The following ITPRIPL1 variants were observed in gnomAD, a reference collection of about 807,000 sequenced individuals.
ITPRIPL1 encodes inositol 1,4,5-trisphosphate receptor-interacting protein-like 1.
Under a neutral mutation model 40.0 loss-of-function variants are expected in ITPRIPL1, and 28 were observed. That is an observed-to-expected ratio of 0.70 (90% CI 0.52 to 0.96). ITPRIPL1 has a LOEUF of 0.96. ITPRIPL1 is among the 40% of genes least tolerant of loss of function. The pLI is 0.00. For synonymous variants in ITPRIPL1, 251 were observed against 275.7 expected, an observed-to-expected ratio of 0.91 and a Z score of 0.89; for missense variants, 638 against 698.0, an observed-to-expected ratio of 0.91 and a Z score of 0.97.
Position 96,326,712 on chromosome 2 carries a change from G to C in ITPRIPL1, c.81G>C (p.Leu27=). 1 of 1,614,260 alleles carries C rather than the reference G, an allele frequency of 6.2e-7. No individual in the cohort carries two copies. Among genetic ancestry groups the C allele is most frequent in the Non-Finnish European group, 8.5e-7 (1 of 1,180,046 alleles). The part of the protein sequence containing the change: ...LAVMYVVHHP[L]MVSDRMDLDT... ...TGATGTATGTTGTTCACCACCCTCT[G>C]ATGGTCAGTGATCGGATGGACCTGG... Residue 27 remains leucine, a synonymous_variant, in exon 3 of 3, where the codon CTG becomes CTC. Coordinates refer to ENST00000439118, the MANE Select transcript of ITPRIPL1 (RefSeq NM_001008949.3).
Position 96,327,955 on chromosome 2 carries a change from C to T in ITPRIPL1, c.1324C>T (p.Pro442Ser). The T allele has an allele frequency of 6.2e-7, 1 of 1,614,088 alleles. No individual in the cohort carries two copies. Among genetic ancestry groups the T allele is most frequent in the South Asian group, 1.1e-5 (1 of 91,082 alleles). The change falls in exon 3 of 3, where the codon CCC becomes TCC. Residue 442 changes from proline to serine, a missense_variant. Transcript: ENST00000439118. The part of the protein sequence containing the change: ...HQSLPHGASR[P>S]ILTSYHFKTA... ...GAGCTTACCCCATGGAGCATCCCGC[C>T]CCATCCTCACTTCTTACCATTTTAA...
Position 96,328,095 on chromosome 2 carries a change from G to T in ITPRIPL1, c.1464G>T (p.Arg488Ser). The change falls in exon 3 of 3, where the codon AGG (arginine) becomes AGT (serine). Residue 488 changes from arginine to serine, a missense_variant. Transcript: ENST00000439118. ...LWFLGRGLQQ[R>S]SLHHFLIGNN... ...TCTTGGGCCGTGGCCTCCAGCAAAGGTCCCTCCATCATTTCCTCATTGGTA... is the reference window on the plus strand; with the variant it reads ...TCTTGGGCCGTGGCCTCCAGCAAAGTTCCCTCCATCATTTCCTCATTGGTA... 1.2e-6 allele frequency: 2 copies of T among 1,614,080 alleles called. No homozygotes were observed. The highest frequency in any genetic ancestry group is 1.7e-6 in the Non-Finnish European group (2 of 1,180,024).
In ITPRIPL1 at chr2:96,326,899, A is replaced by G; in HGVS notation, c.268A>G (p.Lys90Glu). Residue 90 changes from lysine to glutamate, a missense_variant, in exon 3 of 3, where the codon AAA becomes GAA. Physicochemically the swap from Lys to Glu is moderately conservative, Grantham distance 56. Coordinates refer to ENST00000439118, the MANE Select transcript of ITPRIPL1 (RefSeq NM_001008949.3). ...TSSDQLVLGK[K>E]DMGWPFQADG... ...CAGTGACCAGTTAGTGCTGGGGAAG[A>G]AAGACATGGGGTGGCCGTTCCAGGC... is the stretch of plus-strand genomic sequence containing the variant. The G allele has an allele frequency of 6.2e-7, 1 of 1,614,248 alleles. No individual in the cohort carries two copies. Among genetic ancestry groups the G allele is most frequent in the Non-Finnish European group, 8.5e-7 (1 of 1,180,042 alleles).
Position 96,328,014 on chromosome 2 carries a change from C to T in ITPRIPL1, c.1383C>T (p.Pro461=), listed in dbSNP as rs1409371767. Residue 461 remains proline (P), a synonymous_variant, in exon 3 of 3, where the codon CCC becomes CCT. Coordinates refer to ENST00000439118, the MANE Select transcript of ITPRIPL1 (RefSeq NM_001008949.3). ...TALMHLLLRL[P]LTDWAHNMLS... ...TCATGCACCTCTTGCTACGGCTGCC[C>T]CTCACGGACTGGGCCCACAACATGC... 2.5e-6 allele frequency: 4 copies of T among 1,614,170 alleles called. No individual in the cohort carries two copies. Among genetic ancestry groups the T allele is most frequent in the Middle Eastern group, 1.6e-4 (1 of 6,062 alleles).
intron 2 of ITPRIPL1, 48 bp downstream of exon 2, chr2:96,325,897 T>A: frequency 6.2e-7 from 1 of 1,607,688 alleles, no homozygotes; most frequent in African/African-American, 1.3e-5. Context: ...AAGCTCGGGC[T>A]TCACGGGTGG....
rs2064098664 is a variant in ITPRIPL1 at position 96,325,621 on chromosome 2, GC to G, written c.-94+58del. ...CATCCCGAGGTAGGATGGGCCCTTGGCCTCCTACGGATAGGCGGGTGAGAGT... is the reference window on the plus strand; with the variant it reads ...CATCCCGAGGTAGGATGGGCCCTTGGCTCCTACGGATAGGCGGGTGAGAGT... On this transcript the variant is annotated intron_variant, in intron 1 of 2. Coordinates refer to ENST00000439118, the MANE Select transcript of ITPRIPL1 (RefSeq NM_001008949.3). 4 of 613,056 alleles carry G rather than the reference GC, an allele frequency of 6.5e-6. No individual in the cohort carries two copies. In the African/African-American group the frequency reaches 7.4e-5, roughly 11 times the overall value. 38.0% of individuals were successfully genotyped at this position (613,056 alleles called of 1,614,324 possible).
Position 96,325,504 on chromosome 2 carries a change from A to C in ITPRIPL1, c.-155A>C. 3 of 416,322 alleles carry C rather than the reference A, an allele frequency of 7.2e-6. No homozygotes were observed. Among genetic ancestry groups the C allele is most frequent in the Non-Finnish European group, 8.9e-6 (2 of 225,872 alleles). The allele number at this position is 416,322 out of a possible 1,614,324, so 25.8% of individuals were successfully genotyped here. On this transcript the variant is annotated 5_prime_UTR_variant, in exon 1 of 3. Transcript: ENST00000439118. ...ACCGGACGCCCCCACCCTGCCGGGA[A>C]AAAAGCAGTGGCGGTCAGGCCGCGC...
intron 2 of ITPRIPL1, 35 bp from the exon 3 acceptor site, chr2:96,326,607 G>A: frequency 6.2e-7 from 1 of 1,613,684 alleles, no homozygotes; most frequent in Non-Finnish European, 8.5e-7. Context: ...AAGTCTGGAA[G>A]ATGACCACTG....
chr2:96,326,083 T>A, intron 2 of ITPRIPL1: 1 of 1,304,832 alleles, frequency 7.7e-7, no homozygotes, highest in Non-Finnish European at 1.1e-6. Context: ...ACTGTGCCTC[T>A]CTTGCGCTCC....
chr2:96,325,677 G>A, intron 1 of ITPRIPL1, 70 bp from the exon 2 acceptor site: 1 of 699,480 alleles, frequency 1.4e-6, no homozygotes, highest in Non-Finnish European at 2.6e-6. Flanking sequence ...ATTTGGGGAA[G>A]TTATGAATGG....
chr2:96,327,818 A>C lies in ITPRIPL1; in HGVS notation c.1187A>C (p.Glu396Ala). 1 of 1,614,014 alleles carries C rather than the reference A, an allele frequency of 6.2e-7. No individual in the cohort carries two copies. Among genetic ancestry groups the C allele is most frequent in the Non-Finnish European group, 8.5e-7 (1 of 1,179,992 alleles). Residue 396 changes from glutamate to alanine, a missense_variant, in exon 3 of 3, where the codon GAG becomes GCG. Physicochemically the swap from Glu to Ala is moderately radical, Grantham distance 107. Transcript: ENST00000439118. ...QEQLTSVDWP[E>A]SFVACEHLFL... Reference sequence around the variant, plus strand: ...CAGCTCACCAGTGTGGACTGGCCTGAGTCCTTTGTGGCCTGTGAGCACCTG... The same window carrying C: ...CAGCTCACCAGTGTGGACTGGCCTGCGTCCTTTGTGGCCTGTGAGCACCTG...
At position 96,327,888 on chromosome 2, in the gene ITPRIPL1, C is replaced by T. The variant is rs2064130807; in HGVS notation, c.1257C>T (p.His419=). The T allele has an allele frequency of 2.5e-6, 4 of 1,614,052 alleles. No individual in the cohort carries two copies. Among genetic ancestry groups the T allele is most frequent in the Non-Finnish European group, 3.4e-6 (4 of 1,180,004 alleles). Residue 419 remains histidine, a synonymous_variant, in exon 3 of 3, where the codon CAC becomes CAT. Transcript: ENST00000439118. ...VGRFAPENTC[H]LKCLQIILSL... is the part of the protein sequence containing the mutation. ...GCTTTGCCCCCGAGAACACCTGTCACCTCAAGTGCCTCCAGATCATTTTAA... is the reference window on the plus strand; with the variant it reads ...GCTTTGCCCCCGAGAACACCTGTCATCTCAAGTGCCTCCAGATCATTTTAA...
Position 96,326,814 on chromosome 2 carries a change from G to C in ITPRIPL1, c.183G>C (p.Glu61Asp), listed in dbSNP as rs762252227. The C allele has an allele frequency of 5.0e-6, 8 of 1,614,092 alleles. No homozygotes were observed. The East Asian group carries it at 1.3e-4, about 27-fold the overall frequency. ...EMRLLEMEFE[E>D]RKRAAEQRQK... ...GCCTGCTAGAGATGGAGTTTGAAGA[G>C]AGAAAGCGAGCCGCTGAGCAGAGGC... Residue 61 changes from glutamate to aspartate, a missense_variant, in exon 3 of 3, where the codon GAG (glutamate) becomes GAC (aspartate). Transcript: ENST00000439118.
At chr2:96,326,432 CTG>C in intron 2 of ITPRIPL1, 1 of 1,549,850 alleles carries the variant, frequency 6.5e-7, no homozygotes. Context: ...AGGAGAGAGA[CTG>C]AGTGGCACAT....
chr2:96,330,247 C>CAAAAAAAAAAAAAA (rs57831992), downstream of ITPRIPL1: 3 of 23,126 alleles, frequency 1.3e-4, 1 homozygote, highest in Non-Finnish European at 2.1e-4. Context: ...GACCGCGTCT[C>CAAAAAAAAAAAAAA]AAAAAAAAAA....
Position 96,325,852 on chromosome 2 carries a change from A to T in ITPRIPL1, c.10+3A>T. The T allele has an allele frequency of 6.2e-7, 1 of 1,613,916 alleles. No individual in the cohort carries two copies. Among genetic ancestry groups the T allele is most frequent in the Non-Finnish European group, 8.5e-7 (1 of 1,179,806 alleles). Reference sequence around the variant, plus strand: ...GGCATAGTCCTTCATGAATGTTGGTAAGCGCGGTAGCTTGTGAATTAGGGT... The same window carrying T: ...GGCATAGTCCTTCATGAATGTTGGTTAGCGCGGTAGCTTGTGAATTAGGGT... On this transcript the variant is annotated splice_donor_region_variant and intron_variant, in intron 2 of 2. Transcript: ENST00000439118.
At position 96,325,730 on chromosome 2, in the gene ITPRIPL1, C is replaced by G; in HGVS notation, c.-93-17C>G. On this transcript the variant is annotated splice_polypyrimidine_tract_variant and intron_variant, in intron 1 of 2. Coordinates refer to ENST00000439118, the MANE Select transcript of ITPRIPL1 (RefSeq NM_001008949.3). ...GATTTGAGCCAAAGCCCCCAGGTACCTTGTACATTTTAACAGGGCTCCTAG... is the reference window on the plus strand; with the variant it reads ...GATTTGAGCCAAAGCCCCCAGGTACGTTGTACATTTTAACAGGGCTCCTAG... 1.7e-6 allele frequency: 2 copies of G among 1,145,948 alleles called. No individual in the cohort carries two copies. The highest frequency in any genetic ancestry group is 2.6e-6 in the Non-Finnish European group (2 of 757,752). The allele number at this position is 1,145,948 out of a possible 1,614,324, so 71.0% of individuals were successfully genotyped here. A position where few individuals can be genotyped will look rare whatever the true frequency, so the allele number is the denominator to read the frequency against.
Position 96,327,893 on chromosome 2 carries a change from A to C in ITPRIPL1, c.1262A>C (p.Lys421Thr). The change falls in exon 3 of 3, where the codon AAG becomes ACG. Residue 421 changes from lysine (K) to threonine (T), a missense_variant. Transcript: ENST00000439118. ...GCCCCCGAGAACACCTGTCACCTCA[A>C]GTGCCTCCAGATCATTTTAAGTCTC... Reference protein sequence around the residue: ...RFAPENTCHLKCLQIILSLRQ... With the variant: ...RFAPENTCHLTCLQIILSLRQ... 6.2e-7 allele frequency: 1 copy of C among 1,613,846 alleles called. No individual in the cohort carries two copies. Among genetic ancestry groups the C allele is most frequent in the Non-Finnish European group, 8.5e-7 (1 of 1,179,954 alleles).
Position 96,327,440 on chromosome 2 carries a change from A to C in ITPRIPL1, c.809A>C (p.Glu270Ala). 6.2e-7 allele frequency: 1 copy of C among 1,613,936 alleles called. No individual in the cohort carries two copies. Among genetic ancestry groups the C allele is most frequent in the Non-Finnish European group, 8.5e-7 (1 of 1,179,936 alleles). The change falls in exon 3 of 3, where the codon GAA becomes GCA. Residue 270 changes from glutamate to alanine, a missense_variant. Coordinates refer to ENST00000439118, the MANE Select transcript of ITPRIPL1 (RefSeq NM_001008949.3). Reference sequence around the variant, plus strand: ...TGTGGCTGTGTGCTGGTGGAGTCAGAATGTGTGTGCAAGCGTGAGAAACTC... The same window carrying C: ...TGTGGCTGTGTGCTGGTGGAGTCAGCATGTGTGTGCAAGCGTGAGAAACTC... ...RRCGCVLVES[E>A]CVCKREKLLG...
Sources: gnomAD v4.1 joint callset for allele counts on GRCh38, gnomAD v4.1.1 for gene constraint, MANE v1.5 for transcripts, NCBI Gene and HGNC (gene_info 2026-07-23, HGNC 2026-07-21) for gene names.